Variants in TAOK3 observed in about 807,000 individuals in gnomAD.
TAOK3 encodes the protein TAO kinase 3, also known as serine/threonine-protein kinase TAO3.
TAOK3 carries 40 observed loss-of-function variants against 120.4 expected under a neutral mutation model. The observed-to-expected ratio is 0.33, with a 90% CI of 0.26 to 0.43. The LOEUF is 0.43. Among genes scored for constraint, TAOK3 ranks in the 20% least tolerant of loss-of-function variants. The probability of loss-of-function intolerance (pLI) is 1.00; values close to 1 mark genes in which losing one functional copy is unlikely to be tolerated. For synonymous variants in TAOK3, 355 were observed against 387.5 expected (o/e 0.92, Z 0.99); for missense variants, 821 against 1,112.1 (o/e 0.74, Z 3.72).
intron 12 of TAOK3, chr12:118,199,952 G>A (rs143979035): frequency 3.3e-5 from 5 of 152,156 alleles, no homozygotes; most frequent in Non-Finnish European, 7.3e-5. Flanking sequence ...CCATCACAGT[G>A]GGATATCTTT....
In TAOK3 at chr12:118,234,212, A is replaced by ATTTTTTTTTTTTTTTTTT. The variant is rs763473530; in HGVS notation, c.552-465_552-448dup. ...TTAAAGTAATTAAATAAAGCAGGAA[A>ATTTTTTTTTTTTTTTTTT]TTTTTTTTTTTTTTTTTTTTTTTTT... On this transcript the variant is annotated intron_variant, in intron 8 of 20. Transcript: ENST00000392533. Among the ~76,000 whole-genome samples, 156 of 58,326 alleles carry ATTTTTTTTTTTTTTTTTT rather than the reference A, an allele frequency of 2.7e-3. 28 individuals are homozygous for ATTTTTTTTTTTTTTTTTT. The highest frequency in any genetic ancestry group is 3.3e-3 in the Non-Finnish European group (107 of 32,390). The allele number at this position is 58,326 out of a possible 152,430, so 38.3% of individuals were successfully genotyped here. A position where few individuals can be genotyped will look rare whatever the true frequency, so the allele number is the denominator to read the frequency against.
At chr12:118,187,721 A>T (rs904893467) in intron 14 of TAOK3, among the ~76,000 whole-genome samples, 2 of 152,182 alleles carry the variant, frequency 1.3e-5, no homozygotes, top group African/African-American at 4.8e-5. Context: ...AAAACAACTT[A>T]TTTTGTGGCT....
chr12:118,363,751 T>C (rs2045668743), intron 1 of TAOK3, among the ~76,000 whole-genome samples: 3 of 148,290 alleles, frequency 2.0e-5, no homozygotes, highest in South Asian at 4.2e-4. Flanking sequence ...TGTGTGTGTG[T>C]GTGTGAGAGA....
chr12:118,244,529 T>G (rs1819028111), intron 4 of TAOK3, among the ~76,000 whole-genome samples: 1 of 129,760 alleles, frequency 7.7e-6, no homozygotes. Context: ...TCTTTTTTCT[T>G]TTTCTTTTTT....
chr12:118,179,191 T>C (rs1397398825), intron 15 of TAOK3, among the ~76,000 whole-genome samples: 2 of 152,176 alleles, frequency 1.3e-5, no homozygotes, highest in African/African-American at 2.4e-5. Flanking sequence ...TCCTTCCATG[T>C]GGAGACAGAG....
intron 1 of TAOK3, among the ~76,000 whole-genome samples, chr12:118,284,367 T>C (rs751909720): frequency 1.5e-4 from 23 of 152,258 alleles, no homozygotes; most frequent in African/African-American, 2.6e-4. Flanking sequence ...TACCATACCA[T>C]GGTTCCATGA....
chr12:118,171,068 G>T (rs1339257039), intron 17 of TAOK3, among the ~76,000 whole-genome samples: 1 of 152,068 alleles, frequency 6.6e-6, no homozygotes, highest in Non-Finnish European at 1.5e-5. Flanking sequence ...ATTTTCTGTT[G>T]AACACAGTAT....
chr12:118,201,335 T>C lies in TAOK3; in HGVS notation c.948A>G (p.Thr316=). Residue 316 remains threonine, a synonymous_variant, in exon 12 of 21, where the codon ACA becomes ACG. Coordinates refer to ENST00000392533, the MANE Select transcript of TAOK3 (RefSeq NM_016281.4). The part of the protein sequence containing the change: ...RKMKKILFQE[T]RNGPLNESQE... ...GTGACTCATTCAAGGGTCCATTCCG[T>C]GTCTCTTGGAAAAGTATTTTTTTCA... The C allele has an allele frequency of 6.2e-7, 1 of 1,614,080 alleles. No individual in the cohort carries two copies. Among genetic ancestry groups the C allele is most frequent in the Non-Finnish European group, 8.5e-7 (1 of 1,179,960 alleles).
intron 1 of TAOK3, among the ~76,000 whole-genome samples, chr12:118,356,755 A>T (rs919867069): frequency 6.6e-6 from 1 of 152,044 alleles, no homozygotes; most frequent in African/African-American, 2.4e-5. Flanking sequence ...TTTACAAAAA[A>T]AAAGAAACTT....
intron 20 of TAOK3, among the ~76,000 whole-genome samples, chr12:118,151,896 A>C (rs1353632336): frequency 6.6e-6 from 1 of 152,128 alleles, no homozygotes; most frequent in African/African-American, 2.4e-5. Context: ...TCCTCGTGCC[A>C]TTTGGCAGCC....
intron 1 of TAOK3, among the ~76,000 whole-genome samples, chr12:118,309,212 C>T (rs916031357): frequency 1.3e-5 from 2 of 151,392 alleles, no homozygotes; most frequent in African/African-American, 4.8e-5. Flanking sequence ...GTCTGTAATC[C>T]CAGCTACTTG....
Position 118,322,772 on chromosome 12 carries a change from C to T in TAOK3, c.-194+49876G>A, listed in dbSNP as rs183929920. Among the ~76,000 whole-genome samples, 40 of 124,980 alleles carry T rather than the reference C, an allele frequency of 3.2e-4. No individual in the cohort carries two copies. In the East Asian group the frequency reaches 9.0e-3, roughly 28 times the overall value. The allele number at this position is 124,980 out of a possible 152,430, so 82.0% of individuals were successfully genotyped here. A position where few individuals can be genotyped will look rare whatever the true frequency, so the allele number is the denominator to read the frequency against. On this transcript the variant is annotated intron_variant, in intron 1 of 20. Transcript: ENST00000392533. The stretch of plus-strand genomic sequence containing the variant: ...ACGGAGTCTCGCTCTGTTGCTCAGG[C>T]TGGAGTGCAGTGGCACAATCTCAGC...
At chr12:118,192,639 A>C (rs1348803898) in intron 13 of TAOK3, among the ~76,000 whole-genome samples, 3 of 152,260 alleles carry the variant, frequency 2.0e-5, no homozygotes. Flanking sequence ...GGAGAATGTA[A>C]CTTGAGAAGT....
chr12:118,150,956 CTTTTTTTTTTT>C lies in TAOK3; in HGVS notation c.*30_*40del. On this transcript the variant is annotated 3_prime_UTR_variant, in exon 21 of 21. Coordinates refer to ENST00000392533, the MANE Select transcript of TAOK3 (RefSeq NM_016281.4). ...CAGGGTCTGAATTTTTTTCTGTTTT[CTTTTTTTTTTT>C]TTTTTTTGTAAATGGCAAAAAATTT... 3.2e-6 allele frequency: 4 copies of C among 1,255,372 alleles called. No individual in the cohort carries two copies. The highest frequency in any genetic ancestry group is 4.2e-6 in the Non-Finnish European group (4 of 943,808). The allele number at this position is 1,255,372 out of a possible 1,614,324, so 77.8% of individuals were successfully genotyped here. A position where few individuals can be genotyped will look rare whatever the true frequency, so the allele number is the denominator to read the frequency against.
chr12:118,293,325 C>T (rs542523018), intron 1 of TAOK3, among the ~76,000 whole-genome samples: 10 of 152,256 alleles, frequency 6.6e-5, no homozygotes, highest in South Asian at 2.1e-4. Context: ...AATATGCAGA[C>T]GAATGTTAGC....
chr12:118,321,657 A>T (rs897420587), intron 1 of TAOK3, among the ~76,000 whole-genome samples: 1 of 152,160 alleles, frequency 6.6e-6, no homozygotes, highest in African/African-American at 2.4e-5. Flanking sequence ...ATTACAAGAC[A>T]TTTCAAAAAA....
At chr12:118,186,176 T>C (rs1473071006) in intron 14 of TAOK3, among the ~76,000 whole-genome samples, 2 of 152,224 alleles carry the variant, frequency 1.3e-5, no homozygotes, top group Non-Finnish European at 2.9e-5. Context: ...TTTGCATGAA[T>C]AGAACAATAA....
chr12:118,214,424 T>C (rs2038781000), intron 9 of TAOK3, among the ~76,000 whole-genome samples: 1 of 152,162 alleles, frequency 6.6e-6, no homozygotes, highest in Non-Finnish European at 1.5e-5. Context: ...GGTATGAAGA[T>C]CTTTGCATGT....
intron 1 of TAOK3, among the ~76,000 whole-genome samples, chr12:118,333,724 G>A (rs1429835371): frequency 1.3e-5 from 2 of 151,706 alleles, no homozygotes; most frequent in African/African-American, 4.8e-5. Flanking sequence ...AATAAAATTT[G>A]TAAACCTGCA....
Sources: allele counts gnomAD v4.1 joint callset (sites outside exome capture counted in the v4.1 genomes callset), GRCh38; gene constraint gnomAD v4.1.1; transcripts MANE v1.5; gene names NCBI Gene and HGNC (gene_info 2026-07-23, HGNC 2026-07-21).